Variants in RPS6KA2 observed in about 807,000 individuals in gnomAD.
RPS6KA2 encodes the protein ribosomal protein S6 kinase A2.
A neutral mutation model predicts 91.8 loss-of-function variants in RPS6KA2; 42 were observed. The ratio of observed to expected loss-of-function variants is 0.46; its 90% CI spans 0.36 to 0.59. The LOEUF (loss-of-function observed/expected upper bound fraction) is 0.59. Ranked by LOEUF, RPS6KA2 falls within the 20% of genes least tolerant of loss-of-function variation. The probability of loss-of-function intolerance (pLI) is 0.00; values close to 1 mark genes in which losing one functional copy is unlikely to be tolerated. For missense variants in RPS6KA2, 798 were observed against 978.5 expected (o/e 0.82, Z 2.46); for synonymous variants, 414 against 393.6 (o/e 1.05, Z -0.61).
At chr6:166,671,601 A>C (rs1328038426) in intron 2 of RPS6KA2, among the ~76,000 whole-genome samples, 1 of 152,240 alleles carries the variant, frequency 6.6e-6, no homozygotes, top group East Asian at 1.9e-4. Context: ...ACACAGCCTC[A>C]GATGGCAAGG....
intron 1 of RPS6KA2, among the ~76,000 whole-genome samples, chr6:166,614,000 G>A (rs1222221641): frequency 6.6e-6 from 1 of 152,210 alleles, no homozygotes; most frequent in South Asian, 2.1e-4. Flanking sequence ...ACTTCTGGCA[G>A]GTGCCAGATG....
intron 1 of RPS6KA2, among the ~76,000 whole-genome samples, chr6:166,546,844 T>G (rs1162279260): frequency 6.6e-6 from 1 of 152,172 alleles, no homozygotes; most frequent in Non-Finnish European, 1.5e-5. Flanking sequence ...TTAAGAAGAA[T>G]AAAAAATGCT....
intron 2 of RPS6KA2, among the ~76,000 whole-genome samples, chr6:166,661,501 G>A (rs188041206): frequency 1.3e-5 from 2 of 152,142 alleles, no homozygotes; most frequent in Non-Finnish European, 2.9e-5. Flanking sequence ...AATTATGTCC[G>A]AGTCCTTTGC....
rs1779750964 is a variant in RPS6KA2, at chr6:166,448,577, C to CG, written c.1332+146dup. ...GCACATATGCTGTGCTCCTATGCTC[C>CG]GTGCTCCCATGTGCTGTACATGCTC... On this transcript the variant is annotated intron_variant, in intron 14 of 20. Transcript: ENST00000265678. This position sits in a 1 kb window ranked among gnomAD's most constrained non-coding sequence, Gnocchi z 4.7. 2 of 993,856 alleles carry CG rather than the reference C, an allele frequency of 2.0e-6. No individual in the cohort carries two copies. The highest frequency in any genetic ancestry group is 3.3e-4 in the Middle Eastern group (1 of 3,006). The allele number at this position is 993,856 out of a possible 1,614,324, so 61.6% of individuals were successfully genotyped here. A position where few individuals can be genotyped will look rare whatever the true frequency, so the allele number is the denominator to read the frequency against.
At chr6:166,528,755 G>T (rs567779706) in intron 3 of RPS6KA2, among the ~76,000 whole-genome samples, 1 of 151,924 alleles carries the variant, frequency 6.6e-6, no homozygotes, top group South Asian at 2.1e-4. Flanking sequence ...CAAAAAGTGG[G>T]CAAAGGATAT....
intron 19 of RPS6KA2, among the ~76,000 whole-genome samples, chr6:166,415,162 A>G (rs1189373728): frequency 6.6e-6 from 1 of 152,052 alleles, no homozygotes; most frequent in African/African-American, 2.4e-5. Context: ...TACTATGCAC[A>G]ATAACAATAT....
At chr6:166,748,543 TCCCC>T (rs1791103027) in intron 2 of RPS6KA2, among the ~76,000 whole-genome samples, 2 of 51,560 alleles carry the variant, frequency 3.9e-5, no homozygotes, top group Non-Finnish European at 3.9e-5. Context: ...GGGCCCCCCA[TCCCC>T]TTGGGCCCCC....
Position 166,767,306 on chromosome 6 carries a change from G to A in RPS6KA2, c.123+90894C>T, listed in dbSNP as rs998184995. On this transcript the variant is annotated intron_variant, in intron 2 of 21. Transcript: ENST00000503859. This position sits in a 1 kb window ranked among gnomAD's most constrained non-coding sequence, Gnocchi z 4.6. ...GCTTCAGCTTGCAAGGCAGAGGCAC[G>A]GAACGATTTGATGAAAAAGACAGAG... Among the ~76,000 whole-genome samples the A allele has an allele frequency of 3.3e-5, 5 of 152,136 alleles. No homozygotes were observed. Among genetic ancestry groups the A allele is most frequent in the South Asian group, 4.1e-4 (2 of 4,824 alleles).
At chr6:166,614,394 G>A (rs950955285) in intron 1 of RPS6KA2, among the ~76,000 whole-genome samples, 25 of 152,126 alleles carry the variant, frequency 1.6e-4, no homozygotes, top group Non-Finnish European at 3.7e-4. Flanking sequence ...CAGCTGTGCT[G>A]CCCGGCCCGC....
At chr6:166,793,280 G>C (rs1456469504) in intron 2 of RPS6KA2, among the ~76,000 whole-genome samples, 1 of 145,732 alleles carries the variant, frequency 6.9e-6, no homozygotes, top group East Asian at 2.0e-4. Flanking sequence ...AAAATACCTA[G>C]GAATCCAACT....
intron 19 of RPS6KA2, among the ~76,000 whole-genome samples, chr6:166,416,421 TCCA>T (rs1302708234): frequency 6.6e-6 from 1 of 151,316 alleles, no homozygotes; most frequent in Non-Finnish European, 1.5e-5. Context: ...CCCCATCACC[TCCA>T]CCATTACCTC....
At chr6:166,618,016 T>C (rs1786481896) in intron 1 of RPS6KA2, among the ~76,000 whole-genome samples, 1 of 152,248 alleles carries the variant, frequency 6.6e-6, no homozygotes, top group East Asian at 1.9e-4. Context: ...CTGTCCCGGA[T>C]GGCTGAGAGA....
At chr6:166,516,594 T>A (rs1331623287) in intron 3 of RPS6KA2, among the ~76,000 whole-genome samples, 2 of 152,234 alleles carry the variant, frequency 1.3e-5, no homozygotes, top group Non-Finnish European at 2.9e-5. Flanking sequence ...CCAACGGGGC[T>A]GCCATTGAGG....
At chr6:166,704,410 C>T (rs190455662) in intron 2 of RPS6KA2, among the ~76,000 whole-genome samples, 15 of 152,298 alleles carry the variant, frequency 9.8e-5, no homozygotes, top group African/African-American at 3.4e-4. Context: ...CTAAAACACA[C>T]GTGTAACTGA....
chr6:166,702,379 T>C, intron 2 of RPS6KA2: 1 of 1,609,198 alleles, frequency 6.2e-7, no homozygotes, highest in African/African-American at 1.3e-5. Flanking sequence ...TATAGGCTAC[T>C]TTCAAGGTGA....
intron 2 of RPS6KA2, among the ~76,000 whole-genome samples, chr6:166,696,669 G>A (rs75701741): frequency 0.067 from 10,237 of 152,222 alleles, 382 homozygotes; most frequent in Non-Finnish European, 0.088. Flanking sequence ...GGGAGGAGAC[G>A]AACATTTAAA....
At chr6:166,833,931 A>G (rs1211489263) in intron 2 of RPS6KA2, among the ~76,000 whole-genome samples, 1 of 148,556 alleles carries the variant, frequency 6.7e-6, no homozygotes, top group Non-Finnish European at 1.5e-5. Flanking sequence ...TTGGGGTTTC[A>G]CTATGTTGAC....
intron 3 of RPS6KA2, among the ~76,000 whole-genome samples, chr6:166,518,918 G>A (rs1240580838): frequency 1.3e-5 from 2 of 152,214 alleles, no homozygotes; most frequent in African/African-American, 4.8e-5. Flanking sequence ...TAGCTTTGCT[G>A]GGCAGAGCTG....
At chr6:166,475,468 G>A (rs895979510) in intron 10 of RPS6KA2, among the ~76,000 whole-genome samples, 2 of 152,146 alleles carry the variant, frequency 1.3e-5, no homozygotes, top group Admixed American at 1.3e-4. Flanking sequence ...TGCACGTGAC[G>A]TTTCTTGGGC....
Sources: allele counts gnomAD v4.1 joint callset (sites outside exome capture counted in the v4.1 genomes callset), GRCh38; gene constraint gnomAD v4.1.1; non-coding constraint Gnocchi (gnomAD v3.1); transcripts MANE v1.5; gene names NCBI Gene and HGNC (gene_info 2026-07-23, HGNC 2026-07-21).